The following SPICE1 variants were observed in gnomAD, a reference collection of about 807,000 sequenced individuals.
The protein encoded by SPICE1 is spindle and centriole associated protein 1.
SPICE1 carries 75 observed loss-of-function variants against 102.7 expected under a neutral mutation model. The observed-to-expected ratio is 0.73, with a 90% CI of 0.61 to 0.88. The LOEUF is 0.88. SPICE1 is among the 40% of genes least tolerant of loss of function. The pLI, the probability that SPICE1 is intolerant of heterozygous loss-of-function variation, is 0.00. For missense variants in SPICE1, 979 were observed against 1,020.1 expected (o/e 0.96, Z 0.55); for synonymous variants, 308 against 350.3 (o/e 0.88, Z 1.35).
chr3:113,491,624 C>CAAGAAAAAAAAA (rs1936768799), intron 6 of SPICE1, among the ~76,000 whole-genome samples: 1 of 38,102 alleles, frequency 2.6e-5, no homozygotes, highest in Non-Finnish European at 5.6e-5. Flanking sequence ...GACTCCGTCT[C>CAAGAAAAAAAAA]AAAAAAAAAA....
Position 113,468,277 on chromosome 3 carries a change from A to G in SPICE1, c.1017T>C (p.His339=). The change falls in exon 10 of 18, where the codon CAT becomes CAC. Residue 339 remains histidine (H), a synonymous_variant. Transcript: ENST00000295872. ...SNLDVLKHMI[H]EVEHEMEEYE... is the part of the protein sequence containing the mutation. Reference sequence around the variant, plus strand: ...ATTCTTCCATTTCATGTTCCACTTCATGTATCATGTGTTTGAGGACATCCA... The same window carrying G: ...ATTCTTCCATTTCATGTTCCACTTCGTGTATCATGTGTTTGAGGACATCCA... The G allele has an allele frequency of 4.3e-6, 7 of 1,614,106 alleles. No homozygotes were observed. The highest frequency in any genetic ancestry group is 5.9e-6 in the Non-Finnish European group (7 of 1,180,026).
At position 113,469,091 on chromosome 3, in the gene SPICE1, A is replaced by C; in HGVS notation, c.751+8T>G. The C allele has an allele frequency of 6.2e-7, 1 of 1,609,242 alleles. No individual in the cohort carries two copies. Among genetic ancestry groups the C allele is most frequent in the African/African-American group, 1.3e-5 (1 of 74,714 alleles). On this transcript the variant is annotated splice_region_variant and intron_variant, in intron 8 of 17. Transcript: ENST00000295872. ...GGCACCTAGAAATAATGCAAAAGGG[A>C]AACAAACCTCTTTGCTCCCCTGATG... is the stretch of plus-strand genomic sequence containing the variant.
chr3:113,448,278 C>A, intron 15 of SPICE1, 138 bp from the exon 16 acceptor site: 1 of 655,878 alleles, frequency 1.5e-6, no homozygotes, highest in Non-Finnish European at 2.3e-6. Flanking sequence ...CCAAGATACA[C>A]TTGAAAGACT....
intron 2 of SPICE1, among the ~76,000 whole-genome samples, chr3:113,506,238 G>T (rs911152210): frequency 2.6e-5 from 4 of 152,134 alleles, no homozygotes; most frequent in Non-Finnish European, 5.9e-5. Flanking sequence ...GTGAAAAGAC[G>T]TTTTTTAAAA....
At chr3:113,483,590 G>A (rs191702289) in intron 7 of SPICE1, among the ~76,000 whole-genome samples, 225 of 152,168 alleles carry the variant, frequency 1.5e-3, no homozygotes, top group African/African-American at 5.1e-3. Context: ...GCATGAAGGG[G>A]TGTTGAATTT....
chr3:113,479,300 T>C (rs1310536649), intron 7 of SPICE1, among the ~76,000 whole-genome samples: 2 of 151,514 alleles, frequency 1.3e-5, no homozygotes, highest in Non-Finnish European at 2.9e-5. Context: ...ACAAAGGACA[T>C]GAACTCATCA....
At chr3:113,471,313 T>G (rs1467733837) in intron 7 of SPICE1, among the ~76,000 whole-genome samples, 1 of 152,198 alleles carries the variant, frequency 6.6e-6, no homozygotes, top group Non-Finnish European at 1.5e-5. Flanking sequence ...AAAAAAAATT[T>G]TTCATATTTC....
intron 14 of SPICE1, among the ~76,000 whole-genome samples, 174 bp from the exon 15 acceptor site, chr3:113,450,690 C>T (rs879626403): frequency 2.0e-5 from 3 of 151,866 alleles, no homozygotes; most frequent in Non-Finnish European, 4.4e-5. Context: ...CATTCTCCTG[C>T]CTCAGTCTCC....
rs749339549 is a variant in SPICE1 at position 113,468,334 on chromosome 3, A to G, written c.960T>C (p.Ser320=). Residue 320 remains serine (S), a synonymous_variant, in exon 10 of 18, where the codon TCT becomes TCC. Transcript: ENST00000295872. ...KKNISSGSTT[S]ADLPNRTNSN... is the part of the protein sequence containing the mutation. Reference sequence around the variant, plus strand: ...AATTAGTCCTATTTGGTAAGTCTGCAGAGGTTGTGCTACCTGATGATATGT... The same window carrying G: ...AATTAGTCCTATTTGGTAAGTCTGCGGAGGTTGTGCTACCTGATGATATGT... 6.8e-6 allele frequency: 11 copies of G among 1,614,104 alleles called. No homozygotes were observed. In the African/African-American group the frequency reaches 1.3e-4, roughly 20 times the overall value.
At position 113,512,009 on chromosome 3, in the gene SPICE1, TG is replaced by T. The variant is rs139260927; in HGVS notation, c.-1+2887del. 9.4e-4 allele frequency among the ~76,000 whole-genome samples: 143 copies of T among 152,218 alleles called. No homozygotes were observed. The East Asian group carries it at 0.014, about 15-fold the overall frequency. ...AATGGACCTATGTTACTCTTAAAAA[TG>T]GGGGGAAAAGTATTTCAAGTTACAT... On this transcript the variant is annotated intron_variant, in intron 1 of 17. Coordinates refer to ENST00000295872, the MANE Select transcript of SPICE1 (RefSeq NM_144718.4).
rs748840052 is a variant in SPICE1, at chr3:113,468,162, G to A, written c.1132C>T (p.Arg378Cys). The A allele has an allele frequency of 4.8e-5, 78 of 1,613,982 alleles. No individual in the cohort carries two copies. The highest frequency in any genetic ancestry group is 5.7e-5 in the Non-Finnish European group (67 of 1,180,032). The change falls in exon 10 of 18, where the codon CGC (arginine) becomes TGC (cysteine). Residue 378 changes from arginine to cysteine, a missense_variant. Physicochemically the swap from Arg to Cys is radical, Grantham distance 180 (BLOSUM62 -3). Transcript: ENST00000295872. Reference protein sequence around the residue: ...FTLSLVSSLCRLVRYLKESEI... With the variant: ...FTLSLVSSLCCLVRYLKESEI... The stretch of plus-strand genomic sequence containing the variant: ...ACCTCTTTAAGGTACCGAACCAGGC[G>A]ACAGAGGGAGCTCACCAGCGACAAA...
chr3:113,501,522 G>A (rs894574445), intron 3 of SPICE1, among the ~76,000 whole-genome samples: 11 of 152,130 alleles, frequency 7.2e-5, no homozygotes, highest in African/African-American at 2.6e-4. Context: ...ATCTGATTAG[G>A]AACTCAAATC....
chr3:113,489,049 T>C lies in SPICE1; in HGVS notation c.507A>G (p.Val169=). The C allele has an allele frequency of 6.2e-7, 1 of 1,606,650 alleles. No homozygotes were observed. Among genetic ancestry groups the C allele is most frequent in the Non-Finnish European group, 8.5e-7 (1 of 1,173,452 alleles). The change falls in exon 7 of 18, where the codon GTA becomes GTG. Residue 169 remains valine, a synonymous_variant. Coordinates refer to ENST00000295872, the MANE Select transcript of SPICE1 (RefSeq NM_144718.4). ...TAACAGTTCCTTCTTCTTCACCATCTACATCATTAAGAGCCTGTCTCAACA... is the reference window on the plus strand; with the variant it reads ...TAACAGTTCCTTCTTCTTCACCATCCACATCATTAAGAGCCTGTCTCAACA... The part of the protein sequence containing the change: ...SVIEPQALND[V]DGEEEGTVNS...
At chr3:113,451,191 A>G (rs1382714022) in intron 14 of SPICE1, among the ~76,000 whole-genome samples, 1 of 152,166 alleles carries the variant, frequency 6.6e-6, no homozygotes, top group East Asian at 1.9e-4. Context: ...TTCTAACCAT[A>G]TGTCAGCCTC....
At chr3:113,495,737 A>T (rs893101076) in intron 4 of SPICE1, among the ~76,000 whole-genome samples, 4 of 152,248 alleles carry the variant, frequency 2.6e-5, no homozygotes, top group Non-Finnish European at 5.9e-5. Context: ...CTTAGGAAAG[A>T]ATGTGAATGA....
Position 113,453,926 on chromosome 3 carries a change from C to T in SPICE1, c.1682G>A (p.Arg561His), listed in dbSNP as rs780188139. Residue 561 changes from arginine to histidine, a missense_variant, in exon 14 of 18, where the codon CGT (arginine) becomes CAT (histidine). Physicochemically the swap from Arg to His is conservative, Grantham distance 29. Transcript: ENST00000295872. The stretch of plus-strand genomic sequence containing the variant: ...AGTTGGAGGAAGTCGTGGAGCAGGA[C>T]GAGTTTGAACAGTCCTTCTCAATAC... ...QDVLRRTVQT[R>H]PAPRLPPTVE... 9.9e-6 allele frequency: 16 copies of T among 1,613,022 alleles called. No individual in the cohort carries two copies. The highest frequency in any genetic ancestry group is 3.3e-4 in the Middle Eastern group (2 of 6,072).
At chr3:113,481,523 G>A (rs1386788803) in intron 7 of SPICE1, among the ~76,000 whole-genome samples, 1 of 151,518 alleles carries the variant, frequency 6.6e-6, no homozygotes, top group East Asian at 1.9e-4. Context: ...CCATCAACCT[G>A]TCACCTACAT....
chr3:113,482,550 G>A (rs577972123), intron 7 of SPICE1, among the ~76,000 whole-genome samples: 9 of 152,228 alleles, frequency 5.9e-5, no homozygotes, highest in African/African-American at 1.9e-4. Flanking sequence ...CAGGTCTTAC[G>A]TTTAACTCTT....
rs151300329 is a variant in SPICE1 at position 113,494,301 on chromosome 3, C to A, written c.292-159G>T. On this transcript the variant is annotated intron_variant, in intron 4 of 17. Transcript: ENST00000295872. ...TATCCTTAAGAACCAGTAGATGGGG[C>A]TAAGACAATAATTAGTGGCTTTCCA... 2.7e-3 allele frequency among the ~76,000 whole-genome samples: 406 copies of A among 152,266 alleles called. 3 individuals carry two copies. The highest frequency in any genetic ancestry group is 9.0e-3 in the African/African-American group (373 of 41,548).
Sources: gnomAD v4.1 joint callset for allele counts (sites outside exome capture counted in the v4.1 genomes callset) on GRCh38, gnomAD v4.1.1 for gene constraint, MANE v1.5 for transcripts, NCBI Gene and HGNC (gene_info 2026-07-23, HGNC 2026-07-21) for gene names.